DLC1: variants seen among roughly 807,000 people sequenced by gnomAD.
DLC1 encodes rho GTPase-activating protein 7.
In DLC1, 54 loss-of-function variants were observed where a neutral mutation model predicts 140.3. The ratio of observed to expected loss-of-function variants is 0.38; its 90% CI spans 0.31 to 0.48. DLC1 has a LOEUF of 0.48. DLC1 is among the 20% of genes least tolerant of loss of function. DLC1 has a pLI of 0.96. For missense variants in DLC1, 2,536 were observed against 1,907.0 expected (o/e 1.33, Z -6.14); for synonymous variants, 986 against 728.1 (o/e 1.35, Z -5.70).
At chr8:13,588,137 T>C (rs1805393762) in intron 1 of DLC1, among the ~76,000 whole-genome samples, 1 of 152,092 alleles carries the variant, frequency 6.6e-6, no homozygotes, top group South Asian at 2.1e-4. Flanking sequence ...TTCATGGTTC[T>C]AGCTCAACTG....
At chr8:13,477,767 C>G (rs144907897) in intron 2 of DLC1, among the ~76,000 whole-genome samples, 1 of 152,098 alleles carries the variant, frequency 6.6e-6, no homozygotes, top group East Asian at 1.9e-4. Flanking sequence ...TATTCCTACA[C>G]CAGTCATAGA....
At chr8:13,103,727 T>C (rs1341037193) in intron 7 of DLC1, among the ~76,000 whole-genome samples, 28 of 150,950 alleles carry the variant, frequency 1.9e-4, no homozygotes, top group Non-Finnish European at 4.4e-5. Context: ...TAATGCCAGC[T>C]ACTCGGGAGG....
At chr8:13,521,924 A>C (rs73210024) in intron 1 of DLC1, among the ~76,000 whole-genome samples, 4 of 152,160 alleles carry the variant, frequency 2.6e-5, no homozygotes, top group Non-Finnish European at 5.9e-5. Context: ...TGTATTGTCA[A>C]TGCAGTACCC....
chr8:13,259,751 G>C (rs977704563), intron 5 of DLC1, among the ~76,000 whole-genome samples: 7 of 151,826 alleles, frequency 4.6e-5, no homozygotes, highest in Non-Finnish European at 1.0e-4. Context: ...AACACTGGTA[G>C]CTATGAGGGT....
At chr8:13,564,798 C>G (rs888436333) in intron 1 of DLC1, among the ~76,000 whole-genome samples, 1 of 152,124 alleles carries the variant, frequency 6.6e-6, no homozygotes, top group Admixed American at 6.5e-5. Flanking sequence ...CTGATAGGAA[C>G]TAGGAAGAAG....
At chr8:13,320,054 G>A (rs55699964) in intron 4 of DLC1, among the ~76,000 whole-genome samples, 3 of 151,790 alleles carry the variant, frequency 2.0e-5, no homozygotes, top group Non-Finnish European at 2.9e-5. Context: ...CTCTTGATCC[G>A]CCCGCCTTGG....
At chr8:13,300,941 G>C (rs148714167) in intron 5 of DLC1, among the ~76,000 whole-genome samples, 1 of 152,286 alleles carries the variant, frequency 6.6e-6, no homozygotes, top group South Asian at 2.1e-4. Context: ...GAAAGTGAAG[G>C]CCTGCATGGA....
intron 5 of DLC1, among the ~76,000 whole-genome samples, chr8:13,298,505 A>T (rs1048347397): frequency 6.6e-6 from 1 of 152,220 alleles, no homozygotes; most frequent in East Asian, 1.9e-4. Flanking sequence ...GAACATCTAT[A>T]TTTTAATAGC....
chr8:13,183,473 A>C (rs543798239), intron 5 of DLC1, among the ~76,000 whole-genome samples: 1 of 152,170 alleles, frequency 6.6e-6, no homozygotes, highest in African/African-American at 2.4e-5. Flanking sequence ...ACCTCTTACC[A>C]TTTTGAGATA....
rs1175703523 is a variant in DLC1, at chr8:13,085,118, C to G, written c.*693G>C. The G allele has an allele frequency of 3.3e-5, 5 of 152,082 alleles. No homozygotes were observed. The highest frequency in any genetic ancestry group is 1.2e-4 in the African/African-American group (5 of 41,416). The allele number at this position is 152,082 out of a possible 1,614,324, so 9.4% of individuals were successfully genotyped here. On this transcript the variant is annotated 3_prime_UTR_variant, in exon 18 of 18. Transcript: ENST00000276297. ...GGTGTAAGAGCCAACCTATTACAATCAAAGTACAGAAGAGGTTCGTGGAAA... is the reference window on the plus strand; with the variant it reads ...GGTGTAAGAGCCAACCTATTACAATGAAAGTACAGAAGAGGTTCGTGGAAA...
At chr8:13,126,624 T>C (rs1821595663) in intron 5 of DLC1, among the ~76,000 whole-genome samples, 1 of 152,206 alleles carries the variant, frequency 6.6e-6, no homozygotes, top group Admixed American at 6.5e-5. Context: ...TGTTTTAAGA[T>C]TATATAATCC....
At chr8:13,312,435 G>A (rs1245480016) in intron 4 of DLC1, among the ~76,000 whole-genome samples, 4 of 147,860 alleles carry the variant, frequency 2.7e-5, no homozygotes, top group Non-Finnish European at 6.0e-5. Flanking sequence ...CCATGACTGG[G>A]CCACATTAAC....
chr8:13,240,524 C>T (rs1829499831), intron 5 of DLC1, among the ~76,000 whole-genome samples: 1 of 152,256 alleles, frequency 6.6e-6, no homozygotes, highest in East Asian at 1.9e-4. Flanking sequence ...CTCCCTGGCT[C>T]AAGGGATCCT....
At chr8:13,542,278 A>G (rs909304816) in intron 1 of DLC1, among the ~76,000 whole-genome samples, 1 of 152,050 alleles carries the variant, frequency 6.6e-6, no homozygotes, top group Non-Finnish European at 1.5e-5. Context: ...GTATGTACAA[A>G]TTTTCCAGTA....
intron 4 of DLC1, chr8:13,340,123 G>A (rs921406989): frequency 3.9e-5 from 6 of 152,290 alleles, no homozygotes; most frequent in African/African-American, 1.2e-4. Flanking sequence ...GAGGAGGCCG[G>A]AATGAAGTCC....
chr8:13,360,797 C>T (rs1284915505), intron 4 of DLC1, among the ~76,000 whole-genome samples: 1 of 151,750 alleles, frequency 6.6e-6, no homozygotes, highest in East Asian at 1.9e-4. Context: ...TACCCACATA[C>T]AAACATTGTC....
chr8:13,186,268 A>G (rs7011996), intron 5 of DLC1, among the ~76,000 whole-genome samples: 102,459 of 152,080 alleles, frequency 0.67, 35,235 homozygotes, highest in East Asian at 0.86. Context: ...CATTCTGCCC[A>G]TCACTTTCGG....
rs576507875 is a variant in DLC1, at chr8:13,413,378, C to T, written c.1024-11759G>A. ...GGGGAAGCCAAAAGATTGAACACCC[C>T]TGCTGTACAGCATAAAATCCTTAAT... is the stretch of plus-strand genomic sequence containing the variant. On this transcript the variant is annotated intron_variant, in intron 2 of 17. Transcript: ENST00000276297. Among the ~76,000 whole-genome samples the T allele has an allele frequency of 6.1e-5, 9 of 148,072 alleles. No homozygotes were observed. The South Asian group carries it at 2.0e-3, about 32-fold the overall frequency.
At position 13,425,425 on chromosome 8, in the gene DLC1, C is replaced by T. The variant is rs182669393; in HGVS notation, c.1024-23806G>A. ...TAGATGAAAAGGAAAACTTGGAAAA[C>T]AAACAGCAGTGGGAATGATGCTGCT... On this transcript the variant is annotated intron_variant, in intron 2 of 17. Coordinates refer to ENST00000276297, the MANE Select transcript of DLC1 (RefSeq NM_182643.3). 3.9e-5 allele frequency among the ~76,000 whole-genome samples: 6 copies of T among 152,268 alleles called. No individual in the cohort carries two copies. In the East Asian group the frequency reaches 1.2e-3, roughly 29 times the overall value.
Sources: allele counts gnomAD v4.1 joint callset (sites outside exome capture counted in the v4.1 genomes callset), GRCh38; gene constraint gnomAD v4.1.1; transcripts MANE v1.5; gene names NCBI Gene and HGNC (gene_info 2026-07-23, HGNC 2026-07-21).